Variants in NHSL1 observed in about 807,000 individuals in gnomAD.
The protein encoded by NHSL1 is NHS-like protein 1.
A neutral mutation model predicts 95.0 loss-of-function variants in NHSL1; 48 were observed. The observed-to-expected ratio is 0.51, with a 90% CI of 0.40 to 0.64. The LOEUF is 0.64. Ranked by LOEUF, NHSL1 falls within the 30% of genes least tolerant of loss-of-function variation. The pLI is 0.00. For missense variants in NHSL1, 1,971 were observed against 2,077.7 expected, an observed-to-expected ratio of 0.95 and a Z score of 1.00; for synonymous variants, 783 against 833.9, an observed-to-expected ratio of 0.94 and a Z score of 1.05.
At chr6:138,661,560 G>C (rs1223313240) in intron 1 of NHSL1, among the ~76,000 whole-genome samples, 1 of 151,956 alleles carries the variant, frequency 6.6e-6, no homozygotes, top group Non-Finnish European at 1.5e-5. Context: ...TACTCAGGAG[G>C]CTGAGGTGAG....
At chr6:138,619,896 T>C (rs1191983162) in intron 1 of NHSL1, among the ~76,000 whole-genome samples, 1 of 141,148 alleles carries the variant, frequency 7.1e-6, no homozygotes, top group Non-Finnish European at 1.5e-5. Context: ...TGCAGTGAGC[T>C]GAGATCGTGC....
chr6:138,552,818 G>A (rs1042531610), intron 1 of NHSL1, among the ~76,000 whole-genome samples: 8 of 152,146 alleles, frequency 5.3e-5, no homozygotes, highest in Non-Finnish European at 1.0e-4. Flanking sequence ...CATTTCCTCA[G>A]AAGCACAGTG....
intron 1 of NHSL1, chr6:138,650,270 G>A: frequency 1.5e-6 from 1 of 655,776 alleles, no homozygotes; most frequent in Admixed American, 1.9e-5. Flanking sequence ...AAAGCAGGCT[G>A]GAGCCTTGGA....
chr6:138,538,693 C>T (rs189245830), intron 1 of NHSL1, among the ~76,000 whole-genome samples: 129 of 152,308 alleles, frequency 8.5e-4, no homozygotes, highest in Non-Finnish European at 1.4e-3. Context: ...ACATAGATGG[C>T]CTCTTGTGGT....
intron 1 of NHSL1, among the ~76,000 whole-genome samples, chr6:138,682,432 T>C (rs561905309): frequency 1.3e-5 from 2 of 152,238 alleles, no homozygotes; most frequent in Non-Finnish European, 2.9e-5. Context: ...CTAAGTTTGA[T>C]GTAGTCTCAA....
intron 1 of NHSL1, among the ~76,000 whole-genome samples, chr6:138,533,360 C>T: frequency 6.6e-6 from 1 of 152,012 alleles, no homozygotes; most frequent in South Asian, 2.1e-4. Context: ...GTCAGGAGTT[C>T]AAGACCAGCC....
chr6:138,614,406 A>G (rs1207277177), intron 1 of NHSL1, among the ~76,000 whole-genome samples: 3 of 152,152 alleles, frequency 2.0e-5, no homozygotes, highest in Non-Finnish European at 4.4e-5. Flanking sequence ...CCTACTTTTG[A>G]ACTTCTCATT....
intron 1 of NHSL1, among the ~76,000 whole-genome samples, chr6:138,672,206 A>G (rs893353829): frequency 6.6e-6 from 1 of 152,190 alleles, no homozygotes; most frequent in African/African-American, 2.4e-5. Context: ...TGAAATGAAA[A>G]CTTTTTCACC....
intron 1 of NHSL1, among the ~76,000 whole-genome samples, chr6:138,610,579 GA>G (rs1784498866): frequency 6.8e-6 from 1 of 147,122 alleles, no homozygotes; most frequent in Non-Finnish European, 1.5e-5. Context: ...TATATAAAAA[GA>G]AAAGAAAGCA....
chr6:138,525,026 G>A (rs1781840248), intron 1 of NHSL1, among the ~76,000 whole-genome samples: 1 of 152,112 alleles, frequency 6.6e-6, no homozygotes, highest in Admixed American at 6.5e-5. Context: ...GGGCGGCTAC[G>A]AACCATGATG....
intron 1 of NHSL1, chr6:138,545,522 GA>G: frequency 4.5e-6 from 4 of 897,402 alleles, no homozygotes; most frequent in Non-Finnish European, 6.2e-6. Flanking sequence ...CTCAAACTTT[GA>G]TTTTTACTGG....
intron 1 of NHSL1, among the ~76,000 whole-genome samples, chr6:138,661,666 A>T (rs77415460): frequency 1.5e-4 from 20 of 134,530 alleles, no homozygotes; most frequent in African/African-American, 3.9e-4. Context: ...TGTCTCAAAT[A>T]AAAAAAAAAA....
Position 138,532,003 on chromosome 6 carries a change from C to G in NHSL1, c.16+13620G>C, listed in dbSNP as rs182313075. ...CACAAGAAAACAGACAGATGTATGA[C>G]ACTGTGATAGGTAACTCAGAGAAGG... On this transcript the variant is annotated intron_variant, in intron 1 of 4. Coordinates refer to the NHSL1 transcript ENST00000342260. 1.3e-3 allele frequency among the ~76,000 whole-genome samples: 200 copies of G among 152,264 alleles called. 6 individuals carry two copies. Among genetic ancestry groups the G allele is most frequent in the Admixed American group, 0.012 (178 of 15,302 alleles).
At chr6:138,661,117 CT>C (rs959244065) in intron 1 of NHSL1, among the ~76,000 whole-genome samples, 3 of 152,088 alleles carry the variant, frequency 2.0e-5, no homozygotes, top group Non-Finnish European at 2.9e-5. Context: ...CCCATAGTTA[CT>C]TTTTTTATGT....
chr6:138,543,151 T>C (rs1782647799), intron 1 of NHSL1, among the ~76,000 whole-genome samples: 1 of 152,184 alleles, frequency 6.6e-6, no homozygotes, highest in Non-Finnish European at 1.5e-5. Context: ...ATTATTTGAT[T>C]AGCCATAATT....
At chr6:138,522,394 C>A (rs1186925976) in intron 1 of NHSL1, among the ~76,000 whole-genome samples, 2 of 152,372 alleles carry the variant, frequency 1.3e-5, no homozygotes, top group Admixed American at 1.3e-4. Context: ...GTAATCCCAG[C>A]ACTTTGGGAG....
chr6:138,552,322 A>G (rs1169731057), intron 1 of NHSL1, among the ~76,000 whole-genome samples: 1 of 152,124 alleles, frequency 6.6e-6, no homozygotes, highest in Non-Finnish European at 1.5e-5. Context: ...CAAGAGGCTG[A>G]GGCAGGGGAA....
chr6:138,674,727 C>A (rs1785426018), intron 1 of NHSL1, among the ~76,000 whole-genome samples: 1 of 152,106 alleles, frequency 6.6e-6, no homozygotes, highest in African/African-American at 2.4e-5. Flanking sequence ...CACTGATGGG[C>A]ATTTGGGTTG....
chr6:138,445,650 A>C (rs1024034171), intron 4 of NHSL1, among the ~76,000 whole-genome samples: 1 of 152,216 alleles, frequency 6.6e-6, no homozygotes, highest in African/African-American at 2.4e-5. Flanking sequence ...AAGGTTTTAA[A>C]AAAAATCTTC....
Sources: gnomAD v4.1 joint callset for allele counts (sites outside exome capture counted in the v4.1 genomes callset) on GRCh38, gnomAD v4.1.1 for gene constraint, MANE v1.5 for transcripts, NCBI Gene and HGNC (gene_info 2026-07-23, HGNC 2026-07-21) for gene names.